The following GRIN2A variants were observed in gnomAD, a reference collection of about 807,000 sequenced individuals.
GRIN2A encodes glutamate receptor ionotropic, NMDA 2A.
GRIN2A carries 22 observed loss-of-function variants against 113.4 expected under a neutral mutation model. The observed-to-expected ratio is 0.19, with a 90% CI of 0.14 to 0.28. The LOEUF (loss-of-function observed/expected upper bound fraction) is 0.28, where lower values mean the gene tolerates loss of function less well. GRIN2A is among the 10% of genes least tolerant of loss of function. The pLI is 1.00. For missense variants in GRIN2A, 1,502 were observed against 1,887.0 expected (o/e 0.80, Z 3.78); for synonymous variants, 827 against 738.4 (o/e 1.12, Z -1.94).
At chr16:9,864,473 G>T (rs2043127682) in intron 4 of GRIN2A, among the ~76,000 whole-genome samples, 1 of 151,952 alleles carries the variant, frequency 6.6e-6, no homozygotes, top group Admixed American at 6.6e-5. Flanking sequence ...TAAAATGTGG[G>T]GCTGAGTGTG....
chr16:9,860,261 G>T (rs2043042376), intron 4 of GRIN2A, among the ~76,000 whole-genome samples: 1 of 151,804 alleles, frequency 6.6e-6, no homozygotes, highest in East Asian at 1.9e-4. Flanking sequence ...TTCCAGATCA[G>T]CCTGGCCAAC....
intron 2 of GRIN2A, among the ~76,000 whole-genome samples, chr16:10,071,987 C>T (rs941679132): frequency 6.6e-6 from 1 of 152,204 alleles, no homozygotes; most frequent in Admixed American, 6.5e-5. Flanking sequence ...ACCAGGCAGC[C>T]TGATTCCAAA....
At chr16:9,892,775 T>C (rs952052727) in intron 3 of GRIN2A, among the ~76,000 whole-genome samples, 2 of 151,874 alleles carry the variant, frequency 1.3e-5, no homozygotes, top group East Asian at 3.9e-4. Flanking sequence ...TTGAGAAAAA[T>C]GTGATGTCGT....
At chr16:10,021,642 G>C (rs1412684305) in intron 2 of GRIN2A, among the ~76,000 whole-genome samples, 1 of 152,158 alleles carries the variant, frequency 6.6e-6, no homozygotes, top group Non-Finnish European at 1.5e-5. Flanking sequence ...ATAATGATGA[G>C]AAATAGCCAG....
At chr16:10,114,569 C>T (rs1372513911) in intron 2 of GRIN2A, among the ~76,000 whole-genome samples, 1 of 152,172 alleles carries the variant, frequency 6.6e-6, no homozygotes, top group Admixed American at 6.5e-5. Context: ...CCGGTCCCAG[C>T]GATCCCAGGA....
intron 5 of GRIN2A, among the ~76,000 whole-genome samples, chr16:9,848,019 G>A (rs4238636): frequency 6.8e-6 from 1 of 146,220 alleles, no homozygotes; most frequent in Admixed American, 6.9e-5. Context: ...GTTTCTATAT[G>A]TTAATATATG....
At chr16:9,768,105 A>T (rs1901030189) in intron 12 of GRIN2A, among the ~76,000 whole-genome samples, 1 of 151,990 alleles carries the variant, frequency 6.6e-6, no homozygotes, top group Non-Finnish European at 1.5e-5. Flanking sequence ...CCCAGGCTGG[A>T]GCTGGAGTTC....
chr16:9,975,751 C>A (rs183933708), intron 2 of GRIN2A, among the ~76,000 whole-genome samples: 4 of 152,190 alleles, frequency 2.6e-5, no homozygotes, highest in Admixed American at 2.0e-4. Flanking sequence ...AAAACAAGAC[C>A]AACTATTCTC....
intron 2 of GRIN2A, among the ~76,000 whole-genome samples, chr16:10,162,994 A>G (rs1282674256): frequency 6.6e-6 from 1 of 152,244 alleles, no homozygotes; most frequent in Non-Finnish European, 1.5e-5. Context: ...TTGATCTTTA[A>G]CAAAGTTAAT....
chr16:9,909,952 G>A lies in GRIN2A; in HGVS notation c.1008-18852C>T, dbSNP rs150952900. On this transcript the variant is annotated intron_variant, in intron 3 of 12. Transcript: ENST00000330684. The stretch of plus-strand genomic sequence containing the variant: ...AGTAATACATGTATTTCATGTAAAC[G>A]GAATCATACACTATGTGGCCTTTTG... 2.2e-4 allele frequency among the ~76,000 whole-genome samples: 33 copies of A among 152,272 alleles called. No individual in the cohort carries two copies. The East Asian group carries it at 5.6e-3, about 26-fold the overall frequency.
intron 2 of GRIN2A, among the ~76,000 whole-genome samples, chr16:10,098,218 G>C (rs1285141431): frequency 1.3e-5 from 2 of 152,140 alleles, no homozygotes; most frequent in East Asian, 1.9e-4. Flanking sequence ...CTCAACATCA[G>C]TAATGATCAG....
chr16:10,013,916 G>A (rs1055330485), intron 2 of GRIN2A, among the ~76,000 whole-genome samples: 3 of 152,168 alleles, frequency 2.0e-5, no homozygotes, highest in Admixed American at 6.5e-5. Context: ...TTGCTCAAGC[G>A]TCACTTCCTC....
chr16:10,059,222 A>T (rs2047508200), intron 2 of GRIN2A, among the ~76,000 whole-genome samples: 2 of 152,200 alleles, frequency 1.3e-5, no homozygotes, highest in South Asian at 4.1e-4. Flanking sequence ...GTTGTGCCTT[A>T]AGTGCAGTGG....
intron 2 of GRIN2A, among the ~76,000 whole-genome samples, chr16:10,163,595 C>A (rs1269783727): frequency 6.6e-6 from 1 of 152,022 alleles, no homozygotes; most frequent in African/African-American, 2.4e-5. Flanking sequence ...CTTCCAGGAA[C>A]CCCAAGTGCC....
At chr16:9,937,732 T>C in intron 3 of GRIN2A, 1 of 568,100 alleles carries the variant, frequency 1.8e-6, no homozygotes. Context: ...CAAGATATAT[T>C]GTTGAGTAGA....
At chr16:10,122,647 G>A (rs1418532985) in intron 2 of GRIN2A, among the ~76,000 whole-genome samples, 2 of 152,142 alleles carry the variant, frequency 1.3e-5, no homozygotes, top group African/African-American at 4.8e-5. Context: ...AAAGGAATTA[G>A]ATGAATATCC....
intron 2 of GRIN2A, among the ~76,000 whole-genome samples, chr16:10,016,518 G>A (rs1452319961): frequency 6.6e-6 from 1 of 152,150 alleles, no homozygotes; most frequent in African/African-American, 2.4e-5. Flanking sequence ...ACAATGCAAA[G>A]GGTAGCATTA....
chr16:10,003,387 A>G (rs1244260947), intron 2 of GRIN2A, among the ~76,000 whole-genome samples: 1 of 152,238 alleles, frequency 6.6e-6, no homozygotes, highest in Non-Finnish European at 1.5e-5. Context: ...AGACATCAAG[A>G]TTAGCTAGGG....
At chr16:10,139,078 C>A (rs2049266335) in intron 2 of GRIN2A, among the ~76,000 whole-genome samples, 1 of 152,156 alleles carries the variant, frequency 6.6e-6, no homozygotes, top group South Asian at 2.1e-4. Context: ...CTCAGAACAC[C>A]GGATGGAGAC....
Sources: gnomAD v4.1 joint callset for allele counts (sites outside exome capture counted in the v4.1 genomes callset) on GRCh38, gnomAD v4.1.1 for gene constraint, MANE v1.5 for transcripts, NCBI Gene and HGNC (gene_info 2026-07-23, HGNC 2026-07-21) for gene names.